Variants in KCTD8 observed in about 807,000 individuals in gnomAD.
The protein encoded by KCTD8 is potassium channel tetramerization domain containing 8, also known as BTB/POZ domain-containing protein KCTD8.
A neutral mutation model predicts 31.5 loss-of-function variants in KCTD8; 27 were observed. The observed-to-expected ratio is 0.86, with a 90% CI of 0.63 to 1.18. KCTD8 has a LOEUF of 1.18. Among genes scored for constraint, KCTD8 ranks in the 50% most tolerant of loss-of-function variants. KCTD8 has a pLI of 0.00. For synonymous variants in KCTD8, 290 were observed against 280.0 expected (o/e 1.04, Z -0.36); for missense variants, 658 against 647.7 (o/e 1.02, Z -0.17).
At chr4:44,248,889 G>C (rs1715743068) in intron 1 of KCTD8, among the ~76,000 whole-genome samples, 1 of 151,778 alleles carries the variant, frequency 6.6e-6, no homozygotes. Flanking sequence ...ACTGTTTAGT[G>C]AGAAATAACA....
intron 1 of KCTD8, among the ~76,000 whole-genome samples, chr4:44,425,008 A>G (rs141741812): frequency 6.8e-4 from 103 of 152,062 alleles, no homozygotes; most frequent in African/African-American, 2.5e-3. Context: ...TGGTATCTGT[A>G]TAAGAAGAGA....
intron 1 of KCTD8, among the ~76,000 whole-genome samples, chr4:44,273,090 C>A (rs1716658606): frequency 6.6e-6 from 1 of 151,928 alleles, no homozygotes; most frequent in Admixed American, 6.6e-5. Context: ...CACAAATCTA[C>A]TTAAATAATT....
intron 1 of KCTD8, among the ~76,000 whole-genome samples, chr4:44,266,831 CAAG>C (rs1370231571): frequency 6.6e-6 from 1 of 151,968 alleles, no homozygotes; most frequent in Non-Finnish European, 1.5e-5. Context: ...ATCAATTCAA[CAAG>C]AAGAGCTAAC....
intron 1 of KCTD8, among the ~76,000 whole-genome samples, chr4:44,267,698 A>G (rs1184739725): frequency 1.3e-5 from 2 of 152,212 alleles, no homozygotes; most frequent in African/African-American, 2.4e-5. Flanking sequence ...GCAATAAAAA[A>G]TGATAAAGGG....
At chr4:44,337,112 A>G (rs1718770219) in intron 1 of KCTD8, among the ~76,000 whole-genome samples, 2 of 152,192 alleles carry the variant, frequency 1.3e-5, no homozygotes, top group South Asian at 4.1e-4. Context: ...GTTCAACCTA[A>G]CTAACAATCA....
intron 1 of KCTD8, among the ~76,000 whole-genome samples, chr4:44,419,688 CCGGGGCCTGT>C (rs1039812567): frequency 6.6e-6 from 1 of 151,912 alleles, no homozygotes; most frequent in African/African-American, 2.4e-5. Flanking sequence ...GTGTCACATA[CCGGGGCCTGT>C]CGGGGGATGG....
At chr4:44,438,531 C>A (rs1421792137) in intron 1 of KCTD8, among the ~76,000 whole-genome samples, 1 of 152,128 alleles carries the variant, frequency 6.6e-6, no homozygotes, top group African/African-American at 2.4e-5. Flanking sequence ...CAGTGACCAG[C>A]ACTGGACCTG....
At chr4:44,410,750 C>T (rs1322070633) in intron 1 of KCTD8, among the ~76,000 whole-genome samples, 3 of 152,072 alleles carry the variant, frequency 2.0e-5, no homozygotes, top group Non-Finnish European at 2.9e-5. Context: ...TCTTGTGAGA[C>T]TTACTCACTA....
At chr4:44,442,495 GA>G (rs1721838017) in intron 1 of KCTD8, among the ~76,000 whole-genome samples, 2 of 152,126 alleles carry the variant, frequency 1.3e-5, no homozygotes, top group Non-Finnish European at 2.9e-5. Context: ...GCCGAGGCAG[GA>G]GAATGACTTG....
At chr4:44,402,800 T>A (rs1189975263) in intron 1 of KCTD8, among the ~76,000 whole-genome samples, 2 of 152,234 alleles carry the variant, frequency 1.3e-5, no homozygotes, top group African/African-American at 2.4e-5. Flanking sequence ...GAATTAGGAA[T>A]ACCTTTATGG....
chr4:44,251,859 A>T (rs1715847477), intron 1 of KCTD8, among the ~76,000 whole-genome samples: 1 of 151,270 alleles, frequency 6.6e-6, no homozygotes, highest in Non-Finnish European at 1.5e-5. Flanking sequence ...TCCTGTGTTA[A>T]TTTTTTTAAT....
At chr4:44,312,258 G>T (rs1717976661) in intron 1 of KCTD8, among the ~76,000 whole-genome samples, 2 of 151,818 alleles carry the variant, frequency 1.3e-5, no homozygotes, top group Non-Finnish European at 2.9e-5. Context: ...CTCACCAAAT[G>T]TTGGGTGTTT....
intron 1 of KCTD8, among the ~76,000 whole-genome samples, chr4:44,288,338 C>T (rs1030115820): frequency 6.6e-6 from 1 of 152,020 alleles, no homozygotes; most frequent in Non-Finnish European, 1.5e-5. Context: ...GTGATTAGTA[C>T]ATAAAAACTT....
At chr4:44,218,307 T>C (rs893371111) in intron 1 of KCTD8, among the ~76,000 whole-genome samples, 11 of 151,514 alleles carry the variant, frequency 7.3e-5, no homozygotes, top group African/African-American at 2.4e-4. Flanking sequence ...CTAATTTTTG[T>C]ATTTTTAGTA....
chr4:44,364,202 C>A (rs1719571130), intron 1 of KCTD8, among the ~76,000 whole-genome samples: 1 of 151,856 alleles, frequency 6.6e-6, no homozygotes, highest in African/African-American at 2.4e-5. Flanking sequence ...GGACTTGTAT[C>A]CAAAATACAA....
chr4:44,284,421 G>T (rs1716996532), intron 1 of KCTD8, among the ~76,000 whole-genome samples: 1 of 152,144 alleles, frequency 6.6e-6, no homozygotes, highest in Non-Finnish European at 1.5e-5. Context: ...CTAACCACAT[G>T]CAGAAAACTG....
intron 1 of KCTD8, among the ~76,000 whole-genome samples, chr4:44,199,839 C>T (rs79179458): frequency 4.3e-4 from 65 of 151,506 alleles, no homozygotes; most frequent in African/African-American, 1.1e-3. Context: ...TGCAAAAGAC[C>T]ATACAAAAGA....
intron 1 of KCTD8, among the ~76,000 whole-genome samples, chr4:44,337,622 C>T (rs1718782715): frequency 2.7e-5 from 4 of 149,354 alleles, no homozygotes; most frequent in East Asian, 2.0e-4. Flanking sequence ...TGCAGTGAGC[C>T]GAGATTGCAC....
chr4:44,177,046 T>C (rs1188351037), intron 1 of KCTD8, among the ~76,000 whole-genome samples: 1 of 152,130 alleles, frequency 6.6e-6, no homozygotes, highest in Non-Finnish European at 1.5e-5. Context: ...AAAAAAATTG[T>C]TGGGTTTTAT....
Sources: gnomAD v4.1 joint callset for allele counts (sites outside exome capture counted in the v4.1 genomes callset) on GRCh38, gnomAD v4.1.1 for gene constraint, MANE v1.5 for transcripts, NCBI Gene and HGNC (gene_info 2026-07-23, HGNC 2026-07-21) for gene names.